INO80: variants seen among roughly 807,000 people sequenced by gnomAD.
INO80 encodes INO80 complex ATPase subunit, also known as chromatin-remodeling ATPase INO80.
A neutral mutation model predicts 203.4 loss-of-function variants in INO80; 20 were observed. The ratio of observed to expected loss-of-function variants is 0.10; its 90% CI spans 0.07 to 0.14. INO80 has a LOEUF of 0.14. INO80 is among the 10% of genes least tolerant of loss of function. The pLI is 1.00. For missense variants in INO80, 1,419 were observed against 1,914.4 expected (o/e 0.74, Z 4.83); for synonymous variants, 726 against 685.2 (o/e 1.06, Z -0.93).
intron 1 of INO80, among the ~76,000 whole-genome samples, chr15:41,108,309 G>A (rs1027070440): frequency 6.6e-6 from 1 of 152,078 alleles, no homozygotes; most frequent in Non-Finnish European, 1.5e-5. Flanking sequence ...CCACAGATAG[G>A]CCGGGCGTGG....
intron 24 of INO80, among the ~76,000 whole-genome samples, chr15:41,039,074 T>A (rs1485439673): frequency 6.6e-6 from 1 of 152,220 alleles, no homozygotes; most frequent in Non-Finnish European, 1.5e-5. Context: ...GTCATTACTG[T>A]CCTTTATTTT....
chr15:41,059,589 G>C (rs1436781158), intron 15 of INO80, among the ~76,000 whole-genome samples: 4 of 151,198 alleles, frequency 2.6e-5, no homozygotes, highest in Admixed American at 1.3e-4. Flanking sequence ...AGGAGGTCAA[G>C]GCTACAGTGA....
rs181980844 is a variant in INO80, at chr15:41,047,185, G to C, written c.2735+223C>G. Among the ~76,000 whole-genome samples the C allele has an allele frequency of 3.4e-4, 52 of 151,942 alleles. No individual in the cohort carries two copies. The East Asian group carries it at 9.5e-3, about 28-fold the overall frequency. On this transcript the variant is annotated intron_variant, in intron 23 of 35. Transcript: ENST00000648947. ...TCTCCATGTTGGTCAGGCTGGTCTT[G>C]AACTGCCGACCTCAGGTGATCCACC...
chr15:41,037,309 A>T (rs1353317117), intron 24 of INO80, among the ~76,000 whole-genome samples: 1 of 151,886 alleles, frequency 6.6e-6, no homozygotes, highest in Non-Finnish European at 1.5e-5. Flanking sequence ...GGAGTTCGAG[A>T]TCAGCCTGGC....
intron 28 of INO80, among the ~76,000 whole-genome samples, chr15:40,999,066 T>TCC (rs2043922685): frequency 6.7e-6 from 1 of 150,140 alleles, no homozygotes; most frequent in Non-Finnish European, 1.5e-5. Flanking sequence ...AGAAATTAAT[T>TCC]AAAGAAAGAA....
At chr15:40,989,274 C>T (rs2043784992) in intron 29 of INO80, among the ~76,000 whole-genome samples, 1 of 152,196 alleles carries the variant, frequency 6.6e-6, no homozygotes, top group Admixed American at 6.5e-5. Flanking sequence ...CATGAATTCC[C>T]AGGATGGAAT....
At chr15:41,061,644 AAATT>A (rs2045111589) in intron 14 of INO80, among the ~76,000 whole-genome samples, 1 of 151,860 alleles carries the variant, frequency 6.6e-6, no homozygotes, top group Non-Finnish European at 1.5e-5. Context: ...TAAAATAAAA[AAATT>A]TAAAAATAAA....
At chr15:41,004,125 A>C (rs925990689) in intron 28 of INO80, among the ~76,000 whole-genome samples, 1 of 152,214 alleles carries the variant, frequency 6.6e-6, no homozygotes, top group Non-Finnish European at 1.5e-5. Context: ...TGGTTTTAGA[A>C]TCTACTGGTA....
intron 9 of INO80, among the ~76,000 whole-genome samples, chr15:41,079,381 G>T (rs1216417135): frequency 1.3e-5 from 2 of 151,950 alleles, no homozygotes; most frequent in South Asian, 4.2e-4. Context: ...CAGCTTAGAA[G>T]AAAAGAGAAA....
At chr15:41,110,136 T>G (rs1381420985) in intron 1 of INO80, among the ~76,000 whole-genome samples, 1 of 151,928 alleles carries the variant, frequency 6.6e-6, no homozygotes, top group African/African-American at 2.4e-5. Context: ...ATGAATATAT[T>G]TGGCTTTCTG....
Position 41,047,490 on chromosome 15 carries a change from C to T in INO80, c.2653G>A (p.Glu885Lys). 2 of 1,605,808 alleles carry T rather than the reference C, an allele frequency of 1.2e-6. No homozygotes were observed. The highest frequency in any genetic ancestry group is 1.7e-6 in the Non-Finnish European group (2 of 1,173,890). Residue 885 changes from glutamate to lysine, a missense_variant, in exon 23 of 36, where the codon GAA (glutamate) becomes AAA (lysine). Around this residue, in one of 9 missense-constraint regions of INO80, gnomAD observed 302 missense variants for 345.4 expected, o/e 0.87. Transcript: ENST00000648947. The stretch of plus-strand genomic sequence containing the variant: ...AAGCGAAGGAAAGAGAAACAGCTTT[C>T]TTCATTAATACCTGAAATATAAAAG... Reference protein sequence around the residue: ...SLFHRKGINEESCFSFLRFID... With the variant: ...SLFHRKGINEKSCFSFLRFID...
chr15:41,035,550 G>A (rs1279654521), intron 24 of INO80, among the ~76,000 whole-genome samples: 5 of 151,470 alleles, frequency 3.3e-5, no homozygotes, highest in Admixed American at 1.3e-4. Flanking sequence ...GACCGGGCGC[G>A]GTGGCTCACG....
chr15:41,102,883 G>C (rs1027702798), intron 1 of INO80, among the ~76,000 whole-genome samples: 1 of 152,084 alleles, frequency 6.6e-6, no homozygotes, highest in Admixed American at 6.6e-5. Context: ...TATTCTAAAT[G>C]CGGAGTACAC....
At chr15:41,056,150 T>A (rs926343784) in intron 17 of INO80, among the ~76,000 whole-genome samples, 1 of 152,044 alleles carries the variant, frequency 6.6e-6, no homozygotes, top group African/African-American at 2.4e-5. Flanking sequence ...TTCACCACGT[T>A]GCCCAGGCTG....
intron 10 of INO80, 131 bp downstream of exon 10, chr15:41,074,239 A>G (rs1460637257): frequency 1.9e-6 from 1 of 540,238 alleles, no homozygotes; most frequent in Non-Finnish European, 3.2e-6. Flanking sequence ...TCCCTACTCC[A>G]GTACAATAAA....
chr15:40,991,953 AT>A (rs1328918681), intron 29 of INO80, among the ~76,000 whole-genome samples: 5 of 151,970 alleles, frequency 3.3e-5, no homozygotes, highest in African/African-American at 1.2e-4. Flanking sequence ...CATTTTTTGC[AT>A]TTTTAGAGAG....
chr15:40,986,559 C>G (rs750086629), intron 31 of INO80, among the ~76,000 whole-genome samples: 5 of 151,834 alleles, frequency 3.3e-5, no homozygotes, highest in African/African-American at 1.2e-4. Flanking sequence ...CTCCTGACCT[C>G]GTGATCCACC....
chr15:41,028,700 T>C (rs2044413567), intron 24 of INO80, among the ~76,000 whole-genome samples: 1 of 152,164 alleles, frequency 6.6e-6, no homozygotes, highest in South Asian at 2.1e-4. Flanking sequence ...CTACTAAAAA[T>C]ACAGAAATTA....
chr15:41,062,802 T>C lies in INO80; in HGVS notation c.1783-2876A>G, dbSNP rs570722850. 9.2e-5 allele frequency among the ~76,000 whole-genome samples: 14 copies of C among 152,316 alleles called. 1 individual carries two copies. The highest frequency in any genetic ancestry group is 3.4e-3 in the Middle Eastern group (1 of 294). On this transcript the variant is annotated intron_variant, in intron 14 of 35. Coordinates refer to ENST00000648947, the MANE Select transcript of INO80 (RefSeq NM_017553.3). Reference sequence around the variant, plus strand: ...AAGGCCCTTGTGAGATGAGGACGCCTCACTTTTTGACTTCTCAGGCCCTCT... The same window carrying C: ...AAGGCCCTTGTGAGATGAGGACGCCCCACTTTTTGACTTCTCAGGCCCTCT...
Sources: gnomAD v4.1 joint callset for allele counts (sites outside exome capture counted in the v4.1 genomes callset) on GRCh38, gnomAD v4.1.1 for gene constraint, gnomAD v4.1.1 regional missense constraint, MANE v1.5 for transcripts, NCBI Gene and HGNC (gene_info 2026-07-23, HGNC 2026-07-21) for gene names.